ENPP2: variants seen among roughly 807,000 people sequenced by gnomAD.
ENPP2 encodes autotaxin.
Under a neutral mutation model 120.2 loss-of-function variants are expected in ENPP2, and 51 were observed. The observed-to-expected ratio is 0.42, with a 90% confidence interval of 0.34 to 0.54. The LOEUF (loss-of-function observed/expected upper bound fraction) is 0.54, where lower values mean the gene tolerates loss of function less well. Among genes scored for constraint, ENPP2 ranks in the 20% least tolerant of loss-of-function variants. The probability of loss-of-function intolerance (pLI) is 0.04; values close to 1 mark genes in which losing one functional copy is unlikely to be tolerated. For missense variants in ENPP2, 920 were observed against 1,066.5 expected (o/e 0.86, Z 1.91); for synonymous variants, 365 against 366.4 (o/e 1.00, Z 0.04).
chr8:119,597,022 A>G (rs1362402461), intron 11 of ENPP2, among the ~76,000 whole-genome samples: 1 of 152,034 alleles, frequency 6.6e-6, no homozygotes, highest in Non-Finnish European at 1.5e-5. Context: ...CTTGAGAGCC[A>G]TTCAGATGCA....
intron 8 of ENPP2, among the ~76,000 whole-genome samples, chr8:119,613,122 T>C (rs1158140674): frequency 6.6e-6 from 1 of 152,180 alleles, no homozygotes; most frequent in East Asian, 1.9e-4. Context: ...GTATTAGAAA[T>C]TGCAGGACCG....
chr8:119,668,074 G>A (rs1015173474), intron 1 of ENPP2, among the ~76,000 whole-genome samples: 12 of 152,080 alleles, frequency 7.9e-5, no homozygotes, highest in African/African-American at 2.9e-4. Context: ...GTCCCATTAA[G>A]TCTAGATTAA....
intron 9 of ENPP2, among the ~76,000 whole-genome samples, chr8:119,604,812 C>T (rs9297600): frequency 0.28 from 42,738 of 151,938 alleles, 6,637 homozygotes; most frequent in South Asian, 0.49. Context: ...CTTGCTCTGT[C>T]TCCCAGGCTA....
chr8:119,670,458 G>A (rs1438113674), intron 1 of ENPP2, among the ~76,000 whole-genome samples: 2 of 152,132 alleles, frequency 1.3e-5, no homozygotes, highest in Non-Finnish European at 2.9e-5. Flanking sequence ...AAAATTCATT[G>A]AGCATCCCAC....
At chr8:119,579,295 C>T (rs1812563463) in intron 19 of ENPP2, among the ~76,000 whole-genome samples, 1 of 152,070 alleles carries the variant, frequency 6.6e-6, no homozygotes, top group African/African-American at 2.4e-5. Flanking sequence ...AAAAAATGTA[C>T]TTCCCTACAC....
chr8:119,571,044 G>A, intron 19 of ENPP2: 1 of 378,396 alleles, frequency 2.6e-6, no homozygotes, highest in Non-Finnish European at 4.7e-6. Flanking sequence ...AAGCTTTACA[G>A]TTATCAAAAC....
Position 119,621,409 on chromosome 8 carries a change from G to C in ENPP2, c.403C>G (p.Gln135Glu), listed in dbSNP as rs1815885358. ...AAACACGTACCTTTGCAAACCACTTGGTAATTGGTACAGCAGTCTCCCCTG... is the reference window on the plus strand; with the variant it reads ...AAACACGTACCTTTGCAAACCACTTCGTAATTGGTACAGCAGTCTCCCCTG... ...LARGDCCTNY[Q>E]VVCKGESHWV... Residue 135 changes from glutamine (Q) to glutamate (E), a missense_variant, in exon 4 of 25, where the codon CAA becomes GAA. Physicochemically the swap from Gln to Glu is conservative, Grantham distance 29 (BLOSUM62 2). Transcript: ENST00000075322. 3 of 1,613,040 alleles carry C rather than the reference G, an allele frequency of 1.9e-6. No individual in the cohort carries two copies. Among genetic ancestry groups the C allele is most frequent in the Non-Finnish European group, 2.5e-6 (3 of 1,179,354 alleles).
chr8:119,590,444 G>T, intron 13 of ENPP2, 61 bp downstream of exon 13: 1 of 1,329,480 alleles, frequency 7.5e-7, no homozygotes, highest in Non-Finnish European at 1.0e-6. Context: ...TAGAAAACAA[G>T]CCCTTACCTA....
chr8:119,627,319 C>T (rs1013025142), intron 2 of ENPP2, among the ~76,000 whole-genome samples: 3 of 152,136 alleles, frequency 2.0e-5, no homozygotes, highest in African/African-American at 7.2e-5. Flanking sequence ...TCAATATTTT[C>T]ACATGATATA....
At chr8:119,659,320 TAA>T (rs750701293) in intron 1 of ENPP2, among the ~76,000 whole-genome samples, 25 of 64,854 alleles carry the variant, frequency 3.9e-4, no homozygotes, top group South Asian at 2.5e-3. Flanking sequence ...CTGTCTCAAT[TAA>T]AAAAAAAAAA....
chr8:119,636,971 C>T (rs1817035402), intron 2 of ENPP2, among the ~76,000 whole-genome samples: 1 of 151,958 alleles, frequency 6.6e-6, no homozygotes, highest in Admixed American at 6.6e-5. Context: ...TAATGAGTGA[C>T]TCAATTTTAC....
chr8:119,567,717 C>T (rs1436881569), intron 22 of ENPP2, among the ~76,000 whole-genome samples: 1 of 152,178 alleles, frequency 6.6e-6, no homozygotes, highest in Non-Finnish European at 1.5e-5. Flanking sequence ...GTGCTACTGG[C>T]TTTTACTGCA....
chr8:119,574,316 C>T (rs1038156706), intron 19 of ENPP2, among the ~76,000 whole-genome samples: 3 of 151,480 alleles, frequency 2.0e-5, no homozygotes, highest in East Asian at 1.9e-4. Context: ...ATCTTTATCT[C>T]GAGACCAGCA....
chr8:119,627,805 T>G (rs1177975967), intron 2 of ENPP2, among the ~76,000 whole-genome samples: 6 of 151,282 alleles, frequency 4.0e-5, no homozygotes, highest in African/African-American at 1.2e-4. Context: ...GAGGTTGCAG[T>G]GAGCAGAGAT....
intron 9 of ENPP2, among the ~76,000 whole-genome samples, chr8:119,603,435 T>C (rs1182032547): frequency 6.6e-6 from 1 of 152,140 alleles, no homozygotes; most frequent in Non-Finnish European, 1.5e-5. Context: ...ATGGGGTACT[T>C]GAACAATGGT....
intron 19 of ENPP2, chr8:119,572,227 T>C: frequency 6.4e-7 from 1 of 1,554,924 alleles, no homozygotes; most frequent in Non-Finnish European, 8.7e-7. Flanking sequence ...TCATTTCTGC[T>C]GCCTCTGAAT....
At chr8:119,561,083 A>C (rs1813888765) in intron 24 of ENPP2, among the ~76,000 whole-genome samples, 1 of 152,190 alleles carries the variant, frequency 6.6e-6, no homozygotes, top group Admixed American at 6.5e-5. Flanking sequence ...TCAACTTTTA[A>C]AATCTTTTCT....
intron 1 of ENPP2, among the ~76,000 whole-genome samples, chr8:119,644,587 A>AATATATATAT (rs33966650): frequency 0.017 from 1,018 of 59,640 alleles, 8 homozygotes; most frequent in East Asian, 0.032. Context: ...AGATTACTAA[A>AATATATATAT]ATATATATAT....
chr8:119,600,892 AC>A (rs1814253500), intron 10 of ENPP2, 142 bp from the exon 11 acceptor site: 1 of 585,984 alleles, frequency 1.7e-6, no homozygotes, highest in African/African-American at 1.9e-5. Context: ...AGCATGAAAA[AC>A]TTTTTTTTTT....
Sources: gnomAD v4.1 joint callset for allele counts (sites outside exome capture counted in the v4.1 genomes callset) on GRCh38, gnomAD v4.1.1 for gene constraint, MANE v1.5 for transcripts, NCBI Gene and HGNC (gene_info 2026-07-23, HGNC 2026-07-21) for gene names.